KCNH7: variants seen among roughly 807,000 people sequenced by gnomAD.
The protein encoded by KCNH7 is voltage-gated inwardly rectifying potassium channel KCNH7.
KCNH7 carries 49 observed loss-of-function variants against 120.8 expected under a neutral mutation model. The observed-to-expected ratio is 0.41, with a 90% CI of 0.32 to 0.51. The LOEUF is 0.51. KCNH7 is among the 20% of genes least tolerant of loss of function. KCNH7 has a pLI of 0.38. For missense variants in KCNH7, 1,097 were observed against 1,446.6 expected (o/e 0.76, Z 3.92); for synonymous variants, 547 against 516.1 (o/e 1.06, Z -0.81).
At chr2:162,720,299 TAAAAAAAA>T (rs59618789) in intron 2 of KCNH7, among the ~76,000 whole-genome samples, 1 of 97,948 alleles carries the variant, frequency 1.0e-5, no homozygotes. Flanking sequence ...GATGTGTGAT[TAAAAAAAA>T]AAAAAAAAAA....
rs182116214 is a variant in KCNH7, at chr2:162,678,587, C to T, written c.308-141507G>A. Among the ~76,000 whole-genome samples, 313 of 151,580 alleles carry T rather than the reference C, an allele frequency of 2.1e-3. 3 individuals are homozygous for T. Among genetic ancestry groups the T allele is most frequent in the African/African-American group, 7.2e-3 (300 of 41,468 alleles). Reference sequence around the variant, plus strand: ...CTAAGAATTATGGCTTCACTGACAACATTAGAGAACATATCAAACTCAAAC... The same window carrying T: ...CTAAGAATTATGGCTTCACTGACAATATTAGAGAACATATCAAACTCAAAC... On this transcript the variant is annotated intron_variant, in intron 2 of 15. Transcript: ENST00000332142.
chr2:162,763,832 T>C (rs1689051726), intron 2 of KCNH7, among the ~76,000 whole-genome samples: 2 of 151,802 alleles, frequency 1.3e-5, no homozygotes, highest in African/African-American at 4.8e-5. Flanking sequence ...CTGCCTACTA[T>C]GTGTCAACTA....
At chr2:162,523,239 C>T (rs189912945) in intron 3 of KCNH7, among the ~76,000 whole-genome samples, 1 of 151,704 alleles carries the variant, frequency 6.6e-6, no homozygotes. Context: ...TAGATAAATG[C>T]ATACACACAA....
intron 3 of KCNH7, among the ~76,000 whole-genome samples, chr2:162,530,476 A>G (rs1404378739): frequency 1.2e-4 from 18 of 151,674 alleles, no homozygotes; most frequent in African/African-American, 3.9e-4. Flanking sequence ...GTGCGCGCAC[A>G]CACACACACA....
At chr2:162,587,490 G>T (rs1325004173) in intron 2 of KCNH7, among the ~76,000 whole-genome samples, 1 of 151,964 alleles carries the variant, frequency 6.6e-6, no homozygotes, top group African/African-American at 2.4e-5. Context: ...CAATTTTATT[G>T]TGAAGCCTCT....
chr2:162,691,593 T>G (rs1036903298), intron 2 of KCNH7, among the ~76,000 whole-genome samples: 1 of 152,188 alleles, frequency 6.6e-6, no homozygotes, highest in African/African-American at 2.4e-5. Context: ...TATTATAAAT[T>G]CATGAGTATT....
At chr2:162,462,771 T>G (rs1346085863) in intron 6 of KCNH7, among the ~76,000 whole-genome samples, 2 of 152,040 alleles carry the variant, frequency 1.3e-5, no homozygotes, top group Admixed American at 6.6e-5. Flanking sequence ...TGTGTTTTGC[T>G]TTTTAATAGC....
In KCNH7 at chr2:162,532,819, G is replaced by A. The variant is rs192606838; in HGVS notation, c.463+4106C>T. ...ATATCCCAACAAAATGGGAGGGAGAGGAGAAGAAAATAGATAAGCTCACTG... is the reference window on the plus strand; with the variant it reads ...ATATCCCAACAAAATGGGAGGGAGAAGAGAAGAAAATAGATAAGCTCACTG... On this transcript the variant is annotated intron_variant, in intron 3 of 15. Coordinates refer to ENST00000332142, the MANE Select transcript of KCNH7 (RefSeq NM_033272.4). Among the ~76,000 whole-genome samples, 49 of 152,004 alleles carry A rather than the reference G, an allele frequency of 3.2e-4. 1 individual carries two copies. Among genetic ancestry groups the A allele is most frequent in the African/African-American group, 1.1e-3 (47 of 41,542 alleles).
chr2:162,755,323 T>A (rs1688749922), intron 2 of KCNH7, among the ~76,000 whole-genome samples: 1 of 151,724 alleles, frequency 6.6e-6, no homozygotes, highest in Non-Finnish European at 1.5e-5. Context: ...ACAAAAAAAA[T>A]TAGCCAGGTT....
chr2:162,491,424 C>A (rs1267646992), intron 6 of KCNH7, among the ~76,000 whole-genome samples: 1 of 152,180 alleles, frequency 6.6e-6, no homozygotes, highest in East Asian at 1.9e-4. Context: ...GACTCCCTTT[C>A]CTCTCCCTTG....
chr2:162,684,524 C>G (rs886849141), intron 2 of KCNH7, among the ~76,000 whole-genome samples: 3 of 152,026 alleles, frequency 2.0e-5, no homozygotes, highest in Admixed American at 2.0e-4. Flanking sequence ...ACAACCCCAT[C>G]AAAATGTGGG....
Position 162,824,641 on chromosome 2 carries a change from A to C in KCNH7, c.307+11896T>G, listed in dbSNP as rs1685223103. On this transcript the variant is annotated intron_variant, in intron 2 of 15. Transcript: ENST00000332142. ...AATACTATTATATTGGAATAAATTT[A>C]GCAGTTTATCTGATACTGTGTTATA... Among the ~76,000 whole-genome samples the C allele has an allele frequency of 2.0e-5, 3 of 152,208 alleles. No homozygotes were observed. In the South Asian group the frequency reaches 6.2e-4, roughly 31 times the overall value.
At position 162,826,441 on chromosome 2, in the gene KCNH7, T is replaced by C. The variant is rs190131168; in HGVS notation, c.307+10096A>G. 1.3e-3 allele frequency among the ~76,000 whole-genome samples: 194 copies of C among 152,278 alleles called. 1 individual carries two copies. The highest frequency in any genetic ancestry group is 2.9e-3 in the African/African-American group (122 of 41,584). ...TTCTGACCATTCACCTTTTCCCTTC[T>C]AGGCTAACTAAGAAGAGTGATTTGT... On this transcript the variant is annotated intron_variant, in intron 2 of 15. Transcript: ENST00000332142.
chr2:162,596,335 G>A (rs1694379346), intron 2 of KCNH7, among the ~76,000 whole-genome samples: 1 of 152,026 alleles, frequency 6.6e-6, no homozygotes, highest in African/African-American at 2.4e-5. Context: ...AAAGCAGCAT[G>A]GTATTGGCAA....
At chr2:162,550,117 C>A (rs115246208) in intron 2 of KCNH7, among the ~76,000 whole-genome samples, 1 of 152,120 alleles carries the variant, frequency 6.6e-6, no homozygotes, top group South Asian at 2.1e-4. Context: ...GTGTGGAATG[C>A]TTGGCAAAAT....
At chr2:162,787,424 G>A (rs1683751444) in intron 2 of KCNH7, among the ~76,000 whole-genome samples, 1 of 152,026 alleles carries the variant, frequency 6.6e-6, no homozygotes, top group Non-Finnish European at 1.5e-5. Context: ...ATAGCCCCAG[G>A]ATCCAGGACC....
At chr2:162,503,807 G>T (rs1690770903) in intron 6 of KCNH7, among the ~76,000 whole-genome samples, 1 of 151,998 alleles carries the variant, frequency 6.6e-6, no homozygotes, top group African/African-American at 2.4e-5. Context: ...GTAAGCAAAA[G>T]CTACGTACTG....
chr2:162,683,481 G>T (rs1475839626), intron 2 of KCNH7, among the ~76,000 whole-genome samples: 1 of 151,852 alleles, frequency 6.6e-6, no homozygotes, highest in East Asian at 1.9e-4. Context: ...AGGGAAATTA[G>T]ATGACTTTTC....
intron 14 of KCNH7, among the ~76,000 whole-genome samples, chr2:162,379,217 T>G (rs979786840): frequency 6.6e-6 from 1 of 152,310 alleles, no homozygotes; most frequent in South Asian, 2.1e-4. Context: ...GAAACACAAC[T>G]AAAGCATCTG....
Sources: gnomAD v4.1 joint callset for allele counts (sites outside exome capture counted in the v4.1 genomes callset) on GRCh38, gnomAD v4.1.1 for gene constraint, MANE v1.5 for transcripts, NCBI Gene and HGNC (gene_info 2026-07-23, HGNC 2026-07-21) for gene names.